Variants in GPD2 observed in about 807,000 individuals in gnomAD.
GPD2 encodes the protein glycerol-3-phosphate dehydrogenase, mitochondrial.
Under a neutral mutation model 82.4 loss-of-function variants are expected in GPD2, and 54 were observed. That is an observed-to-expected ratio of 0.66 (90% CI 0.53 to 0.82). The LOEUF is 0.82. GPD2 is among the 40% of genes least tolerant of loss of function. GPD2 has a pLI of 0.00. For missense variants in GPD2, 748 were observed against 896.2 expected (o/e 0.83, Z 2.11); for synonymous variants, 288 against 306.1 (o/e 0.94, Z 0.62).
At chr2:156,569,678 A>G in intron 11 of GPD2, 140 bp downstream of exon 11, 1 of 737,944 alleles carries the variant, frequency 1.4e-6, no homozygotes, top group Middle Eastern at 3.6e-4. Context: ...ATGGAAGGAA[A>G]AAAAGATGAT....
chr2:156,439,545 A>AACAAAC (rs1682079346), intron 1 of GPD2, among the ~76,000 whole-genome samples: 1 of 140,362 alleles, frequency 7.1e-6, no homozygotes, highest in African/African-American at 2.7e-5. Flanking sequence ...AAAAACAAAA[A>AACAAAC]AAAAAAAACA....
intron 6 of GPD2, among the ~76,000 whole-genome samples, chr2:156,517,399 G>A (rs1288926562): frequency 2.6e-5 from 4 of 152,242 alleles, no homozygotes; most frequent in Non-Finnish European, 4.4e-5. Flanking sequence ...AATGCAGACA[G>A]AGAGAATCTC....
intron 2 of GPD2, among the ~76,000 whole-genome samples, chr2:156,477,769 A>G (rs1683564867): frequency 6.6e-6 from 1 of 152,186 alleles, no homozygotes; most frequent in East Asian, 1.9e-4. Context: ...TTCCTCATCC[A>G]TTGATCATGC....
At chr2:156,576,153 T>A (rs114587678) in intron 13 of GPD2, among the ~76,000 whole-genome samples, 20 of 152,334 alleles carry the variant, frequency 1.3e-4, no homozygotes, top group African/African-American at 4.6e-4. Flanking sequence ...TAACTGTGAA[T>A]GCATAGCCGT....
chr2:156,475,959 T>G, intron 1 of GPD2, 139 bp from the exon 2 acceptor site: 1 of 625,776 alleles, frequency 1.6e-6, no homozygotes, highest in Non-Finnish European at 2.9e-6. Flanking sequence ...TACACATTGG[T>G]TTGTTAGTAA....
chr2:156,585,149 T>A lies in GPD2; in HGVS notation c.*2231T>A, dbSNP rs1688168682. ...AAATGAACTGATTTCAAGCCGTTACTGTGAATAAAGCACCCCAGCATTTTG... is the reference window on the plus strand; with the variant it reads ...AAATGAACTGATTTCAAGCCGTTACAGTGAATAAAGCACCCCAGCATTTTG... On this transcript the variant is annotated 3_prime_UTR_variant, in exon 17 of 17. Transcript: ENST00000438166. 1 of 152,262 alleles carries A rather than the reference T, an allele frequency of 6.6e-6. No individual in the cohort carries two copies. The highest frequency in any genetic ancestry group is 6.6e-5 in the Admixed American group (1 of 15,232). The allele number at this position is 152,262 out of a possible 1,614,324, so 9.4% of individuals were successfully genotyped here. A position where few individuals can be genotyped will look rare whatever the true frequency, so the allele number is the denominator to read the frequency against.
intron 6 of GPD2, among the ~76,000 whole-genome samples, chr2:156,531,326 CT>C (rs1391855346): frequency 3.9e-5 from 6 of 152,128 alleles, no homozygotes; most frequent in African/African-American, 1.4e-4. Flanking sequence ...CTGGTTGATG[CT>C]TTTGATGTTC....
intron 1 of GPD2, among the ~76,000 whole-genome samples, chr2:156,442,602 G>A (rs1235818884): frequency 6.6e-6 from 1 of 152,090 alleles, no homozygotes; most frequent in Admixed American, 6.5e-5. Flanking sequence ...TTGAGCCCAG[G>A]AGTTTGAGAC....
chr2:156,493,859 C>G (rs1684269655), intron 2 of GPD2, among the ~76,000 whole-genome samples: 1 of 151,344 alleles, frequency 6.6e-6, no homozygotes, highest in South Asian at 2.1e-4. Context: ...TCTGAATGGC[C>G]ATAGCCTGGT....
intron 3 of GPD2, among the ~76,000 whole-genome samples, chr2:156,499,768 A>G (rs1203974663): frequency 6.6e-6 from 1 of 151,060 alleles, no homozygotes; most frequent in East Asian, 1.9e-4. Context: ...AACTCATTGC[A>G]ATGATGTTCT....
chr2:156,441,923 T>C (rs1385549501), intron 1 of GPD2, among the ~76,000 whole-genome samples: 3 of 152,190 alleles, frequency 2.0e-5, no homozygotes, highest in Admixed American at 1.3e-4. Context: ...TTGACAAAAC[T>C]TAAAGACATT....
At chr2:156,464,323 T>C (rs1683082178) in intron 1 of GPD2, among the ~76,000 whole-genome samples, 1 of 152,220 alleles carries the variant, frequency 6.6e-6, no homozygotes, top group Admixed American at 6.5e-5. Flanking sequence ...TACATGATTA[T>C]TTTCACTACA....
At chr2:156,491,482 G>A (rs1314057698) in intron 2 of GPD2, among the ~76,000 whole-genome samples, 1 of 152,200 alleles carries the variant, frequency 6.6e-6, no homozygotes, top group African/African-American at 2.4e-5. Context: ...AAGTTCATTC[G>A]TGTTGCTGTG....
intron 9 of GPD2, among the ~76,000 whole-genome samples, chr2:156,564,737 TAATTCATATTTTA>T (rs1387302876): frequency 6.6e-6 from 1 of 152,114 alleles, no homozygotes; most frequent in Admixed American, 6.6e-5. Flanking sequence ...CCATAAAGAC[TAATTCATATTTTA>T]AATAAGGAAA....
chr2:156,455,576 T>C (rs1165682579), intron 1 of GPD2, among the ~76,000 whole-genome samples: 1 of 152,210 alleles, frequency 6.6e-6, no homozygotes, highest in African/African-American at 2.4e-5. Context: ...CCTCTTGTTC[T>C]TGAAAATGAT....
chr2:156,455,915 C>T (rs1255837840), intron 1 of GPD2, among the ~76,000 whole-genome samples: 1 of 152,042 alleles, frequency 6.6e-6, no homozygotes, highest in African/African-American at 2.4e-5. Flanking sequence ...TTCCATATTG[C>T]CTTTGTTTGG....
chr2:156,521,284 A>G (rs919853266), intron 6 of GPD2, among the ~76,000 whole-genome samples: 6 of 152,212 alleles, frequency 3.9e-5, no homozygotes, highest in African/African-American at 1.2e-4. Context: ...AAGCATTGCA[A>G]TCATACTAGA....
At chr2:156,402,818 T>C in the GPD2 span, among the ~76,000 whole-genome samples, 32,654 of 152,030 alleles carry the variant, frequency 0.21, 3,693 homozygotes, top group Non-Finnish European at 0.25. Flanking sequence ...GCCTGGCCCC[T>C]GAGATTCTTA....
At chr2:156,406,389 T>C in the GPD2 span, among the ~76,000 whole-genome samples, 4 of 152,148 alleles carry the variant, frequency 2.6e-5, no homozygotes, top group African/African-American at 9.7e-5. Context: ...CATATCCAAT[T>C]AGTCAACAAG....
Sources: gnomAD v4.1 joint callset for allele counts (sites outside exome capture counted in the v4.1 genomes callset) on GRCh38, gnomAD v4.1.1 for gene constraint, MANE v1.5 for transcripts, NCBI Gene and HGNC (gene_info 2026-07-23, HGNC 2026-07-21) for gene names.